KIRREL3: variants seen among roughly 807,000 people sequenced by gnomAD.
KIRREL3 encodes the protein kin of IRRE-like protein 3.
KIRREL3 carries 36 observed loss-of-function variants against 89.7 expected under a neutral mutation model. The ratio of observed to expected loss-of-function variants is 0.40; its 90% CI spans 0.31 to 0.53. The LOEUF (loss-of-function observed/expected upper bound fraction) is 0.53, where lower values mean the gene tolerates loss of function less well. Among genes scored for constraint, KIRREL3 ranks in the 20% least tolerant of loss-of-function variants. KIRREL3 has a pLI of 0.49. For missense variants in KIRREL3, 864 were observed against 1,056.6 expected, an observed-to-expected ratio of 0.82 and a Z score of 2.53; for synonymous variants, 445 against 441.4, an observed-to-expected ratio of 1.01 and a Z score of -0.10.
At chr11:126,657,115 C>G (rs1591893747) in intron 1 of KIRREL3, among the ~76,000 whole-genome samples, 1 of 151,948 alleles carries the variant, frequency 6.6e-6, no homozygotes, top group Admixed American at 6.6e-5. Context: ...TTCTCTCACA[C>G]TGTATTGTGT....
chr11:126,743,858 T>C (rs1172642646), intron 1 of KIRREL3, among the ~76,000 whole-genome samples: 2 of 152,172 alleles, frequency 1.3e-5, no homozygotes, highest in African/African-American at 4.8e-5. Flanking sequence ...TAGGAGCTTG[T>C]AGGAGTGTGT....
At chr11:126,851,446 T>C (rs1257752558) in intron 1 of KIRREL3, among the ~76,000 whole-genome samples, 2 of 152,228 alleles carry the variant, frequency 1.3e-5, no homozygotes, top group African/African-American at 4.8e-5. Context: ...TATGTGCAAA[T>C]ATTTACATGT....
Position 126,808,127 on chromosome 11 carries a change from T to A in KIRREL3, c.55+192328A>T, listed in dbSNP as rs75616301. Among the ~76,000 whole-genome samples the A allele has an allele frequency of 1.3e-3, 198 of 152,314 alleles. 2 individuals carry two copies. The East Asian group carries it at 0.028, about 22-fold the overall frequency. ...AGGCCAGCTGCAGGACTGCAGATAC[T>A]GACCTGGGGTTGAGGAGCAATTGTA... On this transcript the variant is annotated intron_variant, in intron 1 of 16. Transcript: ENST00000525144. This position sits in a 1 kb window ranked among gnomAD's most constrained non-coding sequence, Gnocchi z 4.1.
At chr11:126,595,253 C>T (rs12794212) in intron 1 of KIRREL3, among the ~76,000 whole-genome samples, 14,303 of 152,262 alleles carry the variant, frequency 0.094, 746 homozygotes, top group Non-Finnish European at 0.12. Flanking sequence ...CAGTCAGCCT[C>T]CTCTCCAGCC....
At chr11:126,785,110 T>G (rs946186872) in intron 1 of KIRREL3, among the ~76,000 whole-genome samples, 190 of 152,210 alleles carry the variant, frequency 1.2e-3, no homozygotes, top group Non-Finnish European at 6.9e-4. Flanking sequence ...TACTAAACTC[T>G]ACTGAATCCT....
At chr11:126,849,446 T>C (rs1465600853) in intron 1 of KIRREL3, among the ~76,000 whole-genome samples, 2 of 152,222 alleles carry the variant, frequency 1.3e-5, no homozygotes, top group Non-Finnish European at 2.9e-5. Context: ...CTTTACTCTA[T>C]GGACTTGCCC....
rs149746493 is a variant in KIRREL3 at position 126,628,209 on chromosome 11, T to C, written c.56-65297A>G. 5.2e-4 allele frequency among the ~76,000 whole-genome samples: 79 copies of C among 152,324 alleles called. 2 individuals carry two copies. The highest frequency in any genetic ancestry group is 1.9e-3 in the African/African-American group (79 of 41,580). ...CTGGCCTGCATCCCACTGCACTGTC[T>C]GAGCACTCATCAAGACCTGCTCACC... On this transcript the variant is annotated intron_variant, in intron 1 of 16. Coordinates refer to ENST00000525144, the MANE Select transcript of KIRREL3 (RefSeq NM_032531.4). This position sits in a 1 kb window ranked among gnomAD's most constrained non-coding sequence, Gnocchi z 5.2.
chr11:126,810,815 G>A (rs1408604424), intron 1 of KIRREL3, among the ~76,000 whole-genome samples: 4 of 152,152 alleles, frequency 2.6e-5, no homozygotes, highest in Non-Finnish European at 2.9e-5. Flanking sequence ...CAGGGAGGCC[G>A]AGCAACAGAG....
chr11:126,498,639 GA>G lies in KIRREL3; in HGVS notation c.433+22675del, dbSNP rs1957751643. ...ACAGCCAGGAGGGGAAGGGGCCCGT[GA>G]CCTGGCACCCTGTGACGACAAGCAG... On this transcript the variant is annotated intron_variant, in intron 4 of 16. Coordinates refer to ENST00000525144, the MANE Select transcript of KIRREL3 (RefSeq NM_032531.4). This position sits in a 1 kb window ranked among gnomAD's most constrained non-coding sequence, Gnocchi z 4.3. Among the ~76,000 whole-genome samples, 1 of 152,196 alleles carries G rather than the reference GA, an allele frequency of 6.6e-6. No individual in the cohort carries two copies. The highest frequency in any genetic ancestry group is 1.5e-5 in the Non-Finnish European group (1 of 68,034).
Position 126,569,909 on chromosome 11 carries a change from G to C in KIRREL3, c.56-6997C>G, listed in dbSNP as rs770117517. On this transcript the variant is annotated intron_variant, in intron 1 of 16. Coordinates refer to ENST00000525144, the MANE Select transcript of KIRREL3 (RefSeq NM_032531.4). This position sits in a 1 kb window ranked among gnomAD's most constrained non-coding sequence, Gnocchi z 6.5. ...AATGATGGGGTCTTCTGTTTGGAAA[G>C]TTTTCACTTTGATTCTGCTAAACTG... is the stretch of plus-strand genomic sequence containing the variant. Among the ~76,000 whole-genome samples the C allele has an allele frequency of 6.6e-6, 1 of 152,094 alleles. No homozygotes were observed. The highest frequency in any genetic ancestry group is 2.1e-4 in the South Asian group (1 of 4,824).
rs1432423412 is a variant in KIRREL3, at chr11:126,501,494, T to C, written c.433+19821A>G. 6.6e-6 allele frequency among the ~76,000 whole-genome samples: 1 copy of C among 152,158 alleles called. No individual in the cohort carries two copies. The highest frequency in any genetic ancestry group is 2.4e-5 in the African/African-American group (1 of 41,424). ...TTCTACCGCAGCCCGTCCTGGGTCC[T>C]GTTGATGTGCTACACATTGCAGGGA... On this transcript the variant is annotated intron_variant, in intron 4 of 16. Transcript: ENST00000525144. This position sits in a 1 kb window ranked among gnomAD's most constrained non-coding sequence, Gnocchi z 5.8.
rs946943248 is a variant in KIRREL3, at chr11:126,655,112, G to C, written c.56-92200C>G. Among the ~76,000 whole-genome samples, 5 of 152,242 alleles carry C rather than the reference G, an allele frequency of 3.3e-5. No individual in the cohort carries two copies. Among genetic ancestry groups the C allele is most frequent in the African/African-American group, 7.2e-5 (3 of 41,474 alleles). The stretch of plus-strand genomic sequence containing the variant: ...CACATCTGTCTCTCTCCGTGTTGGT[G>C]GCTGTGATTTGGCAGCTCTGCCGAA... On this transcript the variant is annotated intron_variant, in intron 1 of 16. Coordinates refer to ENST00000525144, the MANE Select transcript of KIRREL3 (RefSeq NM_032531.4). The surrounding 1 kb of genome is among the most constrained non-coding windows in gnomAD (Gnocchi z 5.0).
In KIRREL3 at chr11:126,531,049, C is replaced by T. The variant is rs1015146100; in HGVS notation, c.134-4362G>A. Among the ~76,000 whole-genome samples, 16 of 152,138 alleles carry T rather than the reference C, an allele frequency of 1.1e-4. No individual in the cohort carries two copies. Among genetic ancestry groups the T allele is most frequent in the Middle Eastern group, 6.8e-3 (2 of 294 alleles). ...TTCACCATATTGGCCAGGCTGGTCTCGAACTCCTGACCTCATGATCCACCT... is the reference window on the plus strand; with the variant it reads ...TTCACCATATTGGCCAGGCTGGTCTTGAACTCCTGACCTCATGATCCACCT... On this transcript the variant is annotated intron_variant, in intron 2 of 16. Transcript: ENST00000525144. This position sits in a 1 kb window ranked among gnomAD's most constrained non-coding sequence, Gnocchi z 4.7.
intron 8 of KIRREL3, 61 bp from the exon 9 acceptor site, chr11:126,446,947 G>A (rs1437068421): frequency 6.4e-7 from 1 of 1,566,540 alleles, no homozygotes. Context: ...GATCCTCCTT[G>A]CTGCTGCCTC....
intron 8 of KIRREL3, among the ~76,000 whole-genome samples, chr11:126,447,471 C>T (rs1955863820): frequency 6.6e-6 from 1 of 152,208 alleles, no homozygotes; most frequent in Non-Finnish European, 1.5e-5. Context: ...GCCTCCTCCC[C>T]CAGGGTTTCC....
At position 126,953,518 on chromosome 11, in the gene KIRREL3, A is replaced by G. The variant is rs1414137139; in HGVS notation, c.55+46937T>C. On this transcript the variant is annotated intron_variant, in intron 1 of 16. Coordinates refer to ENST00000525144, the MANE Select transcript of KIRREL3 (RefSeq NM_032531.4). This position sits in a 1 kb window ranked among gnomAD's most constrained non-coding sequence, Gnocchi z 5.2. ...TAACTAGAGTTTTGTTCATCTTTTC[A>G]TAATAAACGTGCTGATAGTTCCAAA... is the stretch of plus-strand genomic sequence containing the variant. Among the ~76,000 whole-genome samples the G allele has an allele frequency of 6.6e-6, 1 of 152,186 alleles. No individual in the cohort carries two copies. Among genetic ancestry groups the G allele is most frequent in the Non-Finnish European group, 1.5e-5 (1 of 68,038 alleles).
intron 11 of KIRREL3, among the ~76,000 whole-genome samples, chr11:126,438,381 G>A (rs1469206396): frequency 6.6e-6 from 1 of 152,260 alleles, no homozygotes; most frequent in African/African-American, 2.4e-5. Flanking sequence ...TGATGAGAGG[G>A]ACTGAGTTTC....
intron 7 of KIRREL3, among the ~76,000 whole-genome samples, chr11:126,450,860 C>T (rs1249950820): frequency 8.3e-6 from 1 of 120,630 alleles, no homozygotes; most frequent in African/African-American, 3.3e-5. Context: ...AGCATGTGCA[C>T]GTGTGTGTGC....
rs2134689074 is a variant in KIRREL3, at chr11:126,876,014, G to T, written c.55+124441C>A. Among the ~76,000 whole-genome samples the T allele has an allele frequency of 6.6e-6, 1 of 152,274 alleles. No individual in the cohort carries two copies. Among genetic ancestry groups the T allele is most frequent in the South Asian group, 2.1e-4 (1 of 4,818 alleles). ...ATCTCGGGTTCCCTGGAGGTAGGGA[G>T]TGCAGCATGGCACTGCTTGGCTTTG... On this transcript the variant is annotated intron_variant, in intron 1 of 16. Transcript: ENST00000525144. The surrounding 1 kb of genome is among the most constrained non-coding windows in gnomAD (Gnocchi z 4.1).
Sources: gnomAD v4.1 joint callset for allele counts (sites outside exome capture counted in the v4.1 genomes callset) on GRCh38, gnomAD v4.1.1 for gene constraint, Gnocchi (gnomAD v3.1) non-coding constraint, MANE v1.5 for transcripts, NCBI Gene and HGNC (gene_info 2026-07-23, HGNC 2026-07-21) for gene names.